FNDC3B: variants seen among roughly 807,000 people sequenced by gnomAD.
FNDC3B encodes the protein fibronectin type III domain containing 3B.
Under a neutral mutation model 151.5 loss-of-function variants are expected in FNDC3B, and 12 were observed. That is an observed-to-expected ratio of 0.08 (90% confidence interval 0.05 to 0.13). FNDC3B has a LOEUF of 0.13. FNDC3B is among the 10% of genes least tolerant of loss of function. The pLI, the probability that FNDC3B is intolerant of heterozygous loss-of-function variation, is 1.00. For synonymous variants in FNDC3B, 528 were observed against 549.0 expected (o/e 0.96, Z 0.54); for missense variants, 1,214 against 1,505.3 (o/e 0.81, Z 3.20).
chr3:172,100,301 A>G (rs1719320400), intron 1 of FNDC3B, among the ~76,000 whole-genome samples: 1 of 152,256 alleles, frequency 6.6e-6, no homozygotes, highest in African/African-American at 2.4e-5. Context: ...TTGTATTAGT[A>G]TAAATTAATG....
intron 6 of FNDC3B, among the ~76,000 whole-genome samples, chr3:172,284,499 T>C (rs538626880): frequency 2.6e-5 from 4 of 152,152 alleles, no homozygotes; most frequent in African/African-American, 9.6e-5. Context: ...GGAAATAGCA[T>C]GTAAGAGTGA....
chr3:172,262,148 G>A (rs1015631971), intron 6 of FNDC3B, among the ~76,000 whole-genome samples: 1 of 152,198 alleles, frequency 6.6e-6, no homozygotes, highest in African/African-American at 2.4e-5. Context: ...TGGATAGACT[G>A]TGGAATAAAG....
At chr3:172,248,389 A>G (rs1271114416) in intron 5 of FNDC3B, among the ~76,000 whole-genome samples, 1 of 152,162 alleles carries the variant, frequency 6.6e-6, no homozygotes, top group Non-Finnish European at 1.5e-5. Context: ...ACTTACCTGG[A>G]TATGAAAAGA....
intron 4 of FNDC3B, among the ~76,000 whole-genome samples, chr3:172,242,710 G>A (rs989862615): frequency 1.6e-4 from 25 of 152,216 alleles, no homozygotes; most frequent in African/African-American, 5.8e-4. Flanking sequence ...GAGAGGGGCT[G>A]CCATGAAGAC....
chr3:172,378,419 T>C lies in FNDC3B; in HGVS notation c.3158T>C (p.Val1053Ala). The change falls in exon 24 of 26, where the codon GTC becomes GCC. Residue 1053 changes from valine to alanine, a missense_variant. Val to Ala is a moderately conservative substitution (Grantham distance 64, BLOSUM62 0). This residue lies in a region of FNDC3B where 284 missense variants were observed against 392.4 expected (regional missense o/e 0.72). Coordinates refer to ENST00000415807, the MANE Select transcript of FNDC3B (RefSeq NM_022763.4). The stretch of plus-strand genomic sequence containing the variant: ...TATACCTTCAGCACAACCAAAAGTG[T>C]CCCCCCCACCATCAAAGGTGTGTAG... Reference protein sequence around the residue: ...ETYTFSTTKSVPPTIKAPRVT... With the variant: ...ETYTFSTTKSAPPTIKAPRVT... 5 of 1,611,316 alleles carry C rather than the reference T, an allele frequency of 3.1e-6. No individual in the cohort carries two copies. The highest frequency in any genetic ancestry group is 3.4e-6 in the Non-Finnish European group (4 of 1,179,000).
At chr3:172,146,975 G>T (rs897144715) in intron 3 of FNDC3B, among the ~76,000 whole-genome samples, 7 of 152,210 alleles carry the variant, frequency 4.6e-5, no homozygotes, top group African/African-American at 1.7e-4. Flanking sequence ...AAGTTGATTG[G>T]AACAGGTATG....
At chr3:172,358,041 C>T (rs746604931) in intron 22 of FNDC3B, among the ~76,000 whole-genome samples, 4 of 152,110 alleles carry the variant, frequency 2.6e-5, no homozygotes, top group Non-Finnish European at 4.4e-5. Flanking sequence ...GATTTGTAAC[C>T]ATATTTGGCC....
At chr3:172,238,835 T>G (rs1357613954) in intron 4 of FNDC3B, among the ~76,000 whole-genome samples, 1 of 152,166 alleles carries the variant, frequency 6.6e-6, no homozygotes, top group East Asian at 1.9e-4. Context: ...GAACTTACAC[T>G]GGAGATGTTT....
chr3:172,086,383 C>T (rs1011361111), intron 1 of FNDC3B, among the ~76,000 whole-genome samples: 3 of 150,894 alleles, frequency 2.0e-5, no homozygotes, highest in Non-Finnish European at 3.0e-5. Flanking sequence ...GCTCTGCTTC[C>T]CTTTTAATAT....
intron 20 of FNDC3B, 150 bp downstream of exon 20, chr3:172,346,590 G>A (rs954093080): frequency 5.6e-5 from 24 of 428,864 alleles, no homozygotes; most frequent in East Asian, 1.0e-4. Context: ...ATCACCCTTG[G>A]CACTTGCCAC....
chr3:172,343,981 C>T (rs1733474729), intron 18 of FNDC3B, 105 bp from the exon 19 acceptor site: 1 of 985,024 alleles, frequency 1.0e-6, no homozygotes, highest in Non-Finnish European at 1.5e-6. Context: ...GATACTGAGG[C>T]CGGCCACCTA....
intron 3 of FNDC3B, among the ~76,000 whole-genome samples, chr3:172,198,059 T>G (rs1480751010): frequency 6.6e-6 from 1 of 152,228 alleles, no homozygotes; most frequent in Non-Finnish European, 1.5e-5. Flanking sequence ...TATAATACAT[T>G]ACTATTTTTT....
intron 3 of FNDC3B, among the ~76,000 whole-genome samples, chr3:172,189,263 C>T (rs996373332): frequency 2.0e-5 from 3 of 152,120 alleles, no homozygotes; most frequent in Admixed American, 1.3e-4. Context: ...TCATGTTAAT[C>T]GTATTTTTCA....
Position 172,397,899 on chromosome 3 carries a change from T to G in FNDC3B, c.*424T>G, listed in dbSNP as rs1261318080. ...TAAACATGAATCACCGTGTGTGTAC[T>G]TACAGGGCTAGGATTTCAGTGTTGT... On this transcript the variant is annotated 3_prime_UTR_variant, in exon 26 of 26. Transcript: ENST00000415807. 6.5e-6 allele frequency: 1 copy of G among 154,160 alleles called. No individual in the cohort carries two copies. The highest frequency in any genetic ancestry group is 1.4e-5 in the Non-Finnish European group (1 of 69,578). 9.5% of individuals were successfully genotyped at this position (154,160 alleles called of 1,614,324 possible).
intron 23 of FNDC3B, among the ~76,000 whole-genome samples, chr3:172,371,433 AT>A (rs1324162159): frequency 2.6e-5 from 4 of 152,138 alleles, no homozygotes; most frequent in Admixed American, 2.6e-4. Flanking sequence ...TTCTTTAATC[AT>A]TGGTAAATCA....
At chr3:172,336,416 C>T (rs1732969870) in intron 15 of FNDC3B, among the ~76,000 whole-genome samples, 1 of 152,208 alleles carries the variant, frequency 6.6e-6, no homozygotes, top group South Asian at 2.1e-4. Context: ...AACCTTCTTC[C>T]TCAGACTGTC....
chr3:172,184,361 G>A (rs963392209), intron 3 of FNDC3B: 11 of 152,332 alleles, frequency 7.2e-5, no homozygotes, highest in African/African-American at 2.4e-4. Flanking sequence ...CAGAGGAGGT[G>A]ATGGCGATCA....
At chr3:172,143,416 A>T (rs1387307115) in intron 3 of FNDC3B, among the ~76,000 whole-genome samples, 1 of 152,216 alleles carries the variant, frequency 6.6e-6, no homozygotes, top group Admixed American at 6.5e-5. Flanking sequence ...ATACCTTAGA[A>T]AATGTTAGGC....
chr3:172,244,777 G>A (rs1335995737), intron 4 of FNDC3B, among the ~76,000 whole-genome samples: 1 of 151,736 alleles, frequency 6.6e-6, no homozygotes, highest in African/African-American at 2.4e-5. Flanking sequence ...GGTCCACGCT[G>A]CCACACCCTG....
Sources: gnomAD v4.1 joint callset for allele counts (sites outside exome capture counted in the v4.1 genomes callset) on GRCh38, gnomAD v4.1.1 for gene constraint, gnomAD v4.1.1 regional missense constraint, MANE v1.5 for transcripts, NCBI Gene and HGNC (gene_info 2026-07-23, HGNC 2026-07-21) for gene names.